The following RMP24 variants were observed in gnomAD, a reference collection of about 807,000 sequenced individuals.
RMP24 encodes the protein ribonuclease MRP protein subunit p24.
At chr18:35,977,357 G>A in the RMP24 span, 7 of 1,516,850 alleles carry the variant, frequency 4.6e-6, no homozygotes, top group African/African-American at 9.7e-5. Context: ...GTGGTTTATG[G>A]GGTTAAATTA....
chr18:35,973,130 C>T, the RMP24 span: 4 of 622,462 alleles, frequency 6.4e-6, no homozygotes, highest in East Asian at 1.1e-4. Flanking sequence ...GAAATAGTTT[C>T]CTCCCTTGGC....
the RMP24 span, chr18:35,973,362 G>T: frequency 5.5e-6 from 1 of 182,892 alleles, no homozygotes; most frequent in Non-Finnish European, 1.2e-5. Context: ...ACTCAGCGCA[G>T]ACCTCTCCTC....
chr18:35,975,149 C>G, the RMP24 span: 1 of 1,464,860 alleles, frequency 6.8e-7, no homozygotes, highest in Non-Finnish European at 9.3e-7. Flanking sequence ...TTTTCTTTCA[C>G]TTAAAATCAG....
At chr18:35,973,079 G>A in the RMP24 span, 1 of 817,728 alleles carries the variant, frequency 1.2e-6, no homozygotes, top group Non-Finnish European at 2.0e-6. Context: ...AATGTGCCTT[G>A]TCTTGCTTTG....
At chr18:35,973,389 A>G in the RMP24 span, 9 of 163,570 alleles carry the variant, frequency 5.5e-5, no homozygotes, top group East Asian at 1.6e-3. Context: ...CTAGACTCAT[A>G]TATCCGAATG....
At chr18:35,978,760 A>G in the RMP24 span, 1 of 1,163,258 alleles carries the variant, frequency 8.6e-7, no homozygotes, top group Non-Finnish European at 1.2e-6. Flanking sequence ...GTGCATGTAT[A>G]TGGCCATAAT....
At chr18:35,978,902 TTC>T in the RMP24 span, 6 of 1,613,204 alleles carry the variant, frequency 3.7e-6, no homozygotes, top group African/African-American at 2.7e-5. Context: ...AAAGAAACAC[TTC>T]TCTCAACTAA....
At chr18:35,972,715 C>G in the RMP24 span, 12 of 1,601,724 alleles carry the variant, frequency 7.5e-6, no homozygotes, top group Non-Finnish European at 1.0e-5. Flanking sequence ...GAGCCAGCGG[C>G]AGCGGCGGCG....
chr18:35,974,841 AG>A, the RMP24 span: 1 of 1,449,740 alleles, frequency 6.9e-7, no homozygotes, highest in South Asian at 1.2e-5. Context: ...TGACAGTTTG[AG>A]GTAACAAAAT....
At chr18:35,974,036 C>G in the RMP24 span, 1 of 152,334 alleles carries the variant, frequency 6.6e-6, no homozygotes, top group East Asian at 1.9e-4. Context: ...CTTTCCTTCA[C>G]GCAACTCCAG....
the RMP24 span, chr18:35,972,720 G>A: frequency 6.2e-7 from 1 of 1,604,044 alleles, no homozygotes; most frequent in Non-Finnish European, 8.5e-7. Context: ...AGCGGCAGCG[G>A]CGGCGGCGAT....
chr18:35,975,109 TC>T, the RMP24 span: 2 of 1,606,416 alleles, frequency 1.2e-6, no homozygotes, highest in Non-Finnish European at 1.7e-6. Context: ...AGATTTCAGT[TC>T]CAGTATGTAT....
the RMP24 span, chr18:35,978,883 C>A: frequency 6.2e-7 from 1 of 1,612,680 alleles, no homozygotes; most frequent in Non-Finnish European, 8.5e-7. Context: ...CAAAGAACAC[C>A]AGCAAAACAA....
the RMP24 span, chr18:35,972,937 G>A: frequency 1.4e-5 from 23 of 1,613,970 alleles, no homozygotes; most frequent in Middle Eastern, 1.6e-4. Flanking sequence ...CTTGTGCTTT[G>A]GGCTCTTGTC....
chr18:35,972,941 T>C, the RMP24 span: 61 of 1,613,538 alleles, frequency 3.8e-5, no homozygotes, highest in Non-Finnish European at 5.1e-5. Flanking sequence ...TGCTTTGGGC[T>C]CTTGTCGCCC....
At chr18:35,975,593 C>G in the RMP24 span, among the ~76,000 whole-genome samples, 1 of 152,152 alleles carries the variant, frequency 6.6e-6, no homozygotes, top group African/African-American at 2.4e-5. Context: ...TATCATATGC[C>G]AAGCAACATT....
the RMP24 span, chr18:35,974,768 TA>T: frequency 3.6e-6 from 3 of 844,288 alleles, no homozygotes; most frequent in South Asian, 1.8e-5. Flanking sequence ...TAAATTTTCA[TA>T]TTTTGAGTTT....
At chr18:35,977,673 A>G in the RMP24 span, 2 of 1,461,770 alleles carry the variant, frequency 1.4e-6, no homozygotes, top group Non-Finnish European at 9.2e-7. Context: ...TTTAATATAT[A>G]CTCCCTAAAT....
the RMP24 span, chr18:35,974,993 A>C: frequency 1.2e-6 from 2 of 1,614,056 alleles, no homozygotes; most frequent in African/African-American, 2.7e-5. Context: ...CCAGGTTGAC[A>C]CCCAAAATAC....
Sources: gnomAD v4.1 joint callset for allele counts (sites outside exome capture counted in the v4.1 genomes callset) on GRCh38, gnomAD v4.1.1 for gene constraint, MANE v1.5 for transcripts, NCBI Gene and HGNC (gene_info 2026-07-23, HGNC 2026-07-21) for gene names.